Variants in PDE11A observed in about 807,000 individuals in gnomAD.
The protein encoded by PDE11A is dual 3',5'-cyclic-AMP and -GMP phosphodiesterase 11A.
In PDE11A, 100 loss-of-function variants were observed where a neutral mutation model predicts 100.5. The ratio of observed to expected loss-of-function variants is 1.00; its 90% CI spans 0.85 to 1.18. The LOEUF (loss-of-function observed/expected upper bound fraction) is 1.18. Among genes scored for constraint, PDE11A ranks in the 50% most tolerant of loss-of-function variants. The probability of loss-of-function intolerance (pLI) is 0.00; values close to 1 mark genes in which losing one functional copy is unlikely to be tolerated. For missense variants in PDE11A, 1,141 were observed against 1,152.6 expected (o/e 0.99, Z 0.15); for synonymous variants, 381 against 420.8 (o/e 0.91, Z 1.16).
intron 6 of PDE11A, among the ~76,000 whole-genome samples, chr2:177,836,730 A>G (rs746549526): frequency 6.6e-6 from 1 of 152,190 alleles, no homozygotes; most frequent in Non-Finnish European, 1.5e-5. Flanking sequence ...TCCTGAGGCC[A>G]GTGAGACCAC....
intron 6 of PDE11A, among the ~76,000 whole-genome samples, chr2:177,835,215 T>G (rs1326718177): frequency 7.9e-5 from 12 of 152,214 alleles, no homozygotes; most frequent in Admixed American, 7.9e-4. Context: ...CTGCCTCATG[T>G]ACCCCATATT....
chr2:177,751,333 A>C (rs890851943), intron 10 of PDE11A, among the ~76,000 whole-genome samples: 2 of 151,004 alleles, frequency 1.3e-5, no homozygotes, highest in Admixed American at 1.3e-4. Context: ...TCCACCCAGA[A>C]CCTTTCCTGA....
chr2:177,853,764 G>A (rs200768003), intron 5 of PDE11A, among the ~76,000 whole-genome samples: 1 of 117,484 alleles, frequency 8.5e-6, no homozygotes, highest in Non-Finnish European at 1.7e-5. Flanking sequence ...ATCTATATAT[G>A]TATATATATC....
At chr2:177,703,002 A>G (rs1262113695) in intron 13 of PDE11A, among the ~76,000 whole-genome samples, 3 of 152,164 alleles carry the variant, frequency 2.0e-5, no homozygotes, top group Non-Finnish European at 4.4e-5. Flanking sequence ...CAAAACGTAT[A>G]CTATATGCCT....
rs758697693 is a variant in PDE11A, at chr2:177,875,847, C to G, written c.1367+12G>C. The G allele has an allele frequency of 6.3e-7, 1 of 1,595,588 alleles. No individual in the cohort carries two copies. On this transcript the variant is annotated intron_variant, in intron 5 of 19. Coordinates refer to ENST00000286063, the MANE Select transcript of PDE11A (RefSeq NM_016953.4). ...AGAACATCAAAAGACCCATGAACCC[C>G]ACAAGCCCTACCTGTTCTCAGCATC...
At chr2:177,683,885 G>A (rs1335040694) in intron 15 of PDE11A, among the ~76,000 whole-genome samples, 2 of 152,128 alleles carry the variant, frequency 1.3e-5, no homozygotes, top group Non-Finnish European at 2.9e-5. Context: ...GATCTTGGGT[G>A]AGTAATTTCA....
intron 13 of PDE11A, among the ~76,000 whole-genome samples, chr2:177,707,050 A>G (rs991363790): frequency 6.6e-6 from 1 of 152,214 alleles, no homozygotes; most frequent in African/African-American, 2.4e-5. Flanking sequence ...AATAAACTGG[A>G]AGCTCAACAA....
intron 9 of PDE11A, among the ~76,000 whole-genome samples, chr2:177,781,991 A>C (rs1382326452): frequency 2.0e-5 from 3 of 152,214 alleles, no homozygotes; most frequent in Non-Finnish European, 4.4e-5. Context: ...CCCAGATTAA[A>C]ATGTTAATTT....
intron 1 of PDE11A, among the ~76,000 whole-genome samples, chr2:178,028,676 G>A (rs1362994739): frequency 6.6e-6 from 1 of 152,176 alleles, no homozygotes; most frequent in Non-Finnish European, 1.5e-5. Context: ...CTAGCAAAAT[G>A]CTGCAGTGTT....
chr2:177,980,409 G>C (rs1247467717), intron 2 of PDE11A, among the ~76,000 whole-genome samples: 1 of 150,562 alleles, frequency 6.6e-6, no homozygotes, highest in Non-Finnish European at 1.5e-5. Context: ...TTGGATTTTT[G>C]ATCAGTGAAT....
At chr2:177,813,582 C>G (rs557105137) in intron 9 of PDE11A, among the ~76,000 whole-genome samples, 1 of 152,134 alleles carries the variant, frequency 6.6e-6, no homozygotes, top group African/African-American at 2.4e-5. Flanking sequence ...TATTTACTTT[C>G]AGAGGATGTA....
At chr2:178,028,834 TA>T (rs1226847780) in intron 1 of PDE11A, among the ~76,000 whole-genome samples, 6 of 152,210 alleles carry the variant, frequency 3.9e-5, no homozygotes, top group Admixed American at 6.5e-5. Flanking sequence ...AACCATTCTA[TA>T]AATCTCAATT....
At chr2:177,808,966 C>T (rs1349625938) in intron 9 of PDE11A, among the ~76,000 whole-genome samples, 3 of 152,126 alleles carry the variant, frequency 2.0e-5, no homozygotes, top group African/African-American at 7.2e-5. Context: ...CATGCTACAA[C>T]CTTAATGAAC....
At chr2:177,734,808 G>A (rs956615240) in intron 10 of PDE11A, among the ~76,000 whole-genome samples, 1 of 152,292 alleles carries the variant, frequency 6.6e-6, no homozygotes. Context: ...ACGGTGCCTG[G>A]CATGATGGCG....
intron 2 of PDE11A, among the ~76,000 whole-genome samples, chr2:177,965,756 A>G (rs1559026475): frequency 6.6e-6 from 1 of 152,132 alleles, no homozygotes; most frequent in East Asian, 1.9e-4. Context: ...TGTTTTGGTT[A>G]TGCAGCCTTG....
At chr2:177,889,527 G>T (rs1001796517) in intron 4 of PDE11A, among the ~76,000 whole-genome samples, 20 of 151,358 alleles carry the variant, frequency 1.3e-4, no homozygotes, top group African/African-American at 4.9e-4. Flanking sequence ...CTTTAGAGTT[G>T]CCCAGAATAC....
intron 2 of PDE11A, among the ~76,000 whole-genome samples, chr2:178,088,084 C>T (rs986512243): frequency 3.3e-5 from 5 of 152,166 alleles, no homozygotes; most frequent in African/African-American, 7.2e-5. Context: ...CACATGATGG[C>T]GCCCCACTCT....
At chr2:177,989,647 G>A (rs141437070) in intron 2 of PDE11A, among the ~76,000 whole-genome samples, 1 of 152,242 alleles carries the variant, frequency 6.6e-6, no homozygotes, top group Non-Finnish European at 1.5e-5. Flanking sequence ...GAATCAAGAA[G>A]TGCATGCTCA....
At chr2:177,694,732 A>C (rs2081085234) in intron 15 of PDE11A, among the ~76,000 whole-genome samples, 1 of 152,240 alleles carries the variant, frequency 6.6e-6, no homozygotes, top group Admixed American at 6.5e-5. Context: ...TAGTACTAAA[A>C]GAGATACAAT....
Sources: gnomAD v4.1 joint callset for allele counts (sites outside exome capture counted in the v4.1 genomes callset) on GRCh38, gnomAD v4.1.1 for gene constraint, MANE v1.5 for transcripts, NCBI Gene and HGNC (gene_info 2026-07-23, HGNC 2026-07-21) for gene names.